GPC6: variants seen among roughly 807,000 people sequenced by gnomAD.
GPC6 encodes glypican-6.
GPC6 carries 14 observed loss-of-function variants against 55.2 expected under a neutral mutation model. The ratio of observed to expected loss-of-function variants is 0.25; its 90% CI spans 0.17 to 0.40. GPC6 has a LOEUF of 0.40. Ranked by LOEUF, GPC6 falls within the 10% of genes least tolerant of loss-of-function variation. GPC6 has a pLI of 1.00. For synonymous variants in GPC6, 278 were observed against 259.6 expected, an observed-to-expected ratio of 1.07 and a Z score of -0.68; for missense variants, 641 against 708.5, an observed-to-expected ratio of 0.90 and a Z score of 1.08.
intron 1 of GPC6, among the ~76,000 whole-genome samples, chr13:93,508,028 C>G (rs1594222698): frequency 6.6e-6 from 1 of 152,134 alleles, no homozygotes; most frequent in African/African-American, 2.4e-5. Flanking sequence ...GGGAATATAG[C>G]TTCTGGACTT....
chr13:94,060,571 A>G (rs1884284818), intron 4 of GPC6, among the ~76,000 whole-genome samples: 2 of 152,222 alleles, frequency 1.3e-5, no homozygotes, highest in South Asian at 2.1e-4. Flanking sequence ...AGGATGATAA[A>G]GTATGTACTT....
intron 1 of GPC6, among the ~76,000 whole-genome samples, chr13:93,475,145 G>GATAA (rs1231680077): frequency 2.0e-5 from 3 of 146,530 alleles, no homozygotes; most frequent in African/African-American, 5.0e-5. Flanking sequence ...TGAATCCTTA[G>GATAA]ATAAATAAAT....
At chr13:93,231,380 C>CATATATAT (rs1204996148) in intron 1 of GPC6, among the ~76,000 whole-genome samples, 5 of 30,932 alleles carry the variant, frequency 1.6e-4, no homozygotes, top group East Asian at 2.8e-3. Flanking sequence ...TATATATATA[C>CATATATAT]ATATATATAT....
At chr13:93,409,805 T>C (rs767168712) in intron 1 of GPC6, among the ~76,000 whole-genome samples, 1 of 152,186 alleles carries the variant, frequency 6.6e-6, no homozygotes, top group East Asian at 1.9e-4. Context: ...CAAAGGAGGA[T>C]AGATTTTCAC....
chr13:94,011,706 G>A (rs929411524), intron 3 of GPC6, among the ~76,000 whole-genome samples: 1 of 152,168 alleles, frequency 6.6e-6, no homozygotes, highest in African/African-American at 2.4e-5. Context: ...ATTTGCAGCA[G>A]TGGGAATTCC....
At chr13:94,370,354 A>G (rs1337006049) in intron 6 of GPC6, among the ~76,000 whole-genome samples, 2 of 152,228 alleles carry the variant, frequency 1.3e-5, no homozygotes, top group African/African-American at 4.8e-5. Flanking sequence ...ATGTGCTCCC[A>G]TAGCCCTTTG....
intron 4 of GPC6, among the ~76,000 whole-genome samples, chr13:94,149,325 G>C (rs1887660557): frequency 6.6e-6 from 1 of 152,114 alleles, no homozygotes; most frequent in Non-Finnish European, 1.5e-5. Flanking sequence ...CAGATGGCCT[G>C]CTTGTCCCCA....
chr13:93,662,398 G>C (rs188943169), intron 2 of GPC6, among the ~76,000 whole-genome samples: 4 of 152,296 alleles, frequency 2.6e-5, no homozygotes, highest in African/African-American at 9.6e-5. Context: ...GGGAGGCCGA[G>C]GTGGGCAGAT....
chr13:94,125,722 T>C (rs953157487), intron 4 of GPC6, among the ~76,000 whole-genome samples: 1 of 39,180 alleles, frequency 2.6e-5, no homozygotes, highest in African/African-American at 6.6e-5. Flanking sequence ...ATTTCTTGCC[T>C]TTTTTTTTTT....
intron 3 of GPC6, among the ~76,000 whole-genome samples, chr13:93,844,926 C>G (rs1594515647): frequency 2.0e-5 from 3 of 152,072 alleles, no homozygotes; most frequent in African/African-American, 7.2e-5. Flanking sequence ...GCTTGTTTTT[C>G]TGAGGTTTGT....
chr13:93,646,435 G>A (rs1357964861), intron 2 of GPC6, among the ~76,000 whole-genome samples: 1 of 152,044 alleles, frequency 6.6e-6, no homozygotes, highest in Non-Finnish European at 1.5e-5. Context: ...CACATTTAAT[G>A]TCATCCGTTG....
chr13:93,844,422 C>A (rs1305141367), intron 3 of GPC6, among the ~76,000 whole-genome samples: 3 of 152,298 alleles, frequency 2.0e-5, no homozygotes, highest in South Asian at 2.1e-4. Flanking sequence ...CAGGCATGAG[C>A]CATCACGCCT....
intron 3 of GPC6, among the ~76,000 whole-genome samples, chr13:93,842,741 T>G (rs1384916198): frequency 1.3e-5 from 2 of 152,098 alleles, no homozygotes; most frequent in Non-Finnish European, 2.9e-5. Flanking sequence ...ATCACCAGGA[T>G]ATTTATTTTT....
chr13:94,379,935 G>A (rs575854585), intron 6 of GPC6, among the ~76,000 whole-genome samples: 16 of 152,314 alleles, frequency 1.1e-4, no homozygotes, highest in East Asian at 1.9e-4. Flanking sequence ...AGGGCATAGC[G>A]CAGCGCAGAA....
chr13:94,197,532 A>C (rs954547645), intron 4 of GPC6, among the ~76,000 whole-genome samples: 10 of 152,266 alleles, frequency 6.6e-5, no homozygotes, highest in African/African-American at 2.4e-4. Flanking sequence ...CTCACGTGGC[A>C]GAGAGAGAGT....
chr13:93,743,673 C>A (rs972960132), intron 2 of GPC6, among the ~76,000 whole-genome samples: 4 of 151,796 alleles, frequency 2.6e-5, no homozygotes, highest in African/African-American at 9.7e-5. Context: ...ATTTATTGTT[C>A]CTTTCATCTT....
At chr13:94,033,199 C>T (rs1170795618) in intron 4 of GPC6, among the ~76,000 whole-genome samples, 2 of 152,184 alleles carry the variant, frequency 1.3e-5, no homozygotes, top group African/African-American at 2.4e-5. Flanking sequence ...TTAAAAATCA[C>T]ATATCCCTGT....
At chr13:94,133,682 G>C (rs61962314) in intron 4 of GPC6, among the ~76,000 whole-genome samples, 1 of 151,400 alleles carries the variant, frequency 6.6e-6, no homozygotes. Context: ...ATGAGAAAGT[G>C]AATTTAGTAT....
chr13:94,142,296 C>T (rs1304701922), intron 4 of GPC6, among the ~76,000 whole-genome samples: 7 of 152,064 alleles, frequency 4.6e-5, no homozygotes, highest in East Asian at 3.9e-4. Flanking sequence ...AGGGAGATTT[C>T]GAAGTGATGT....
Sources: gnomAD v4.1 joint callset for allele counts (sites outside exome capture counted in the v4.1 genomes callset) on GRCh38, gnomAD v4.1.1 for gene constraint, MANE v1.5 for transcripts, NCBI Gene and HGNC (gene_info 2026-07-23, HGNC 2026-07-21) for gene names.